PDZRN3: variants seen among roughly 807,000 people sequenced by gnomAD.
PDZRN3 encodes E3 ubiquitin-protein ligase PDZRN3.
PDZRN3 carries 38 observed loss-of-function variants against 85.7 expected under a neutral mutation model. That is an observed-to-expected ratio of 0.44 (90% CI 0.34 to 0.58). PDZRN3 has a LOEUF of 0.58. Ranked by LOEUF, PDZRN3 falls within the 20% of genes least tolerant of loss-of-function variation. The probability of loss-of-function intolerance (pLI) is 0.01; values close to 1 mark genes in which losing one functional copy is unlikely to be tolerated. For synonymous variants in PDZRN3, 759 were observed against 638.0 expected (o/e 1.19, Z -2.86); for missense variants, 1,629 against 1,506.4 (o/e 1.08, Z -1.35).
intron 1 of PDZRN3, 48 bp from the exon 2 acceptor site, chr3:73,608,732 G>T: frequency 8.7e-7 from 1 of 1,152,532 alleles, no homozygotes; most frequent in Non-Finnish European, 1.3e-6. Context: ...ACAGGGAATA[G>T]ATGGTAGGAA....
At chr3:73,602,992 T>A (rs1702537884) in intron 2 of PDZRN3, among the ~76,000 whole-genome samples, 1 of 152,230 alleles carries the variant, frequency 6.6e-6, no homozygotes, top group East Asian at 1.9e-4. Context: ...CTCCTACTTG[T>A]ATTTTAAATT....
intron 3 of PDZRN3, among the ~76,000 whole-genome samples, chr3:73,585,014 A>T (rs964516520): frequency 6.6e-6 from 1 of 152,222 alleles, no homozygotes; most frequent in African/African-American, 2.4e-5. Context: ...TTTTAATGTG[A>T]GTCCAGGCTG....
At chr3:73,502,285 G>T (rs57995960) in intron 3 of PDZRN3, among the ~76,000 whole-genome samples, 19,384 of 152,128 alleles carry the variant, frequency 0.13, 1,402 homozygotes, top group Middle Eastern at 0.22. Flanking sequence ...CTTTTGTTTG[G>T]GGTAATAATT....
In PDZRN3 at chr3:73,418,444, T is replaced by C. The variant is rs151193620; in HGVS notation, c.919-14049A>G. 3.4e-3 allele frequency among the ~76,000 whole-genome samples: 511 copies of C among 152,286 alleles called. 4 individuals carry two copies. The highest frequency in any genetic ancestry group is 0.012 in the African/African-American group (489 of 41,560). On this transcript the variant is annotated intron_variant, in intron 3 of 9. Transcript: ENST00000263666. ...TTGCATCTGAAGAAACTACTGATCATTTCTGGACCTCAATTTCCTTACCTG... is the reference window on the plus strand; with the variant it reads ...TTGCATCTGAAGAAACTACTGATCACTTCTGGACCTCAATTTCCTTACCTG...
chr3:73,471,701 C>T (rs1350355975), intron 3 of PDZRN3, among the ~76,000 whole-genome samples: 3 of 152,246 alleles, frequency 2.0e-5, no homozygotes, highest in African/African-American at 7.2e-5. Context: ...CTTCTCCCTG[C>T]TTCTTGGCCT....
chr3:73,387,820 A>G, intron 8 of PDZRN3, 148 bp downstream of exon 8: 1 of 594,012 alleles, frequency 1.7e-6, no homozygotes, highest in Non-Finnish European at 3.0e-6. Context: ...CATAAAGTGA[A>G]TTCTGAATCA....
intron 9 of PDZRN3, 92 bp from the exon 10 acceptor site, chr3:73,385,022 C>T: frequency 7.0e-7 from 1 of 1,435,944 alleles, no homozygotes. Context: ...CTGGATAGGG[C>T]AGGCTGTACA....
intron 3 of PDZRN3, among the ~76,000 whole-genome samples, chr3:73,471,268 C>A (rs1703334406): frequency 6.6e-6 from 1 of 152,066 alleles, no homozygotes; most frequent in Admixed American, 6.5e-5. Flanking sequence ...TGCCGGCAAA[C>A]CATCCAGCAG....
At chr3:73,419,921 T>A (rs1370816443) in intron 3 of PDZRN3, among the ~76,000 whole-genome samples, 1 of 152,230 alleles carries the variant, frequency 6.6e-6, no homozygotes, top group African/African-American at 2.4e-5. Flanking sequence ...TTAACATTTT[T>A]AATGACTTTC....
intron 3 of PDZRN3, among the ~76,000 whole-genome samples, chr3:73,567,246 T>C (rs1040846478): frequency 6.6e-6 from 1 of 152,204 alleles, no homozygotes; most frequent in Non-Finnish European, 1.5e-5. Flanking sequence ...CTTTCCTGGA[T>C]ACTTCCACAT....
intron 3 of PDZRN3, among the ~76,000 whole-genome samples, chr3:73,507,823 G>A (rs1390951043): frequency 1.3e-5 from 2 of 152,170 alleles, no homozygotes; most frequent in African/African-American, 4.8e-5. Flanking sequence ...GCCGGGCGCA[G>A]TGGCTCACGC....
intron 3 of PDZRN3, among the ~76,000 whole-genome samples, chr3:73,578,058 A>T (rs1191182635): frequency 6.6e-6 from 1 of 151,994 alleles, no homozygotes; most frequent in African/African-American, 2.4e-5. Flanking sequence ...CACTCTTCTC[A>T]TATCCTTGAA....
intron 5 of PDZRN3, among the ~76,000 whole-genome samples, chr3:73,397,997 G>GC (rs1391812914): frequency 6.6e-6 from 1 of 152,156 alleles, no homozygotes; most frequent in East Asian, 1.9e-4. Context: ...GTGACTTCGT[G>GC]ATTTTGCATT....
chr3:73,430,089 G>A (rs1023940598), intron 3 of PDZRN3, among the ~76,000 whole-genome samples: 2 of 152,202 alleles, frequency 1.3e-5, no homozygotes, highest in Non-Finnish European at 2.9e-5. Context: ...ATTCACAGAT[G>A]TGGGAATTAT....
intron 3 of PDZRN3, among the ~76,000 whole-genome samples, chr3:73,568,263 G>C (rs764270498): frequency 3.3e-5 from 5 of 151,896 alleles, no homozygotes; most frequent in South Asian, 2.1e-4. Flanking sequence ...ATAATGAACA[G>C]GAAAGTCTTT....
intron 3 of PDZRN3, among the ~76,000 whole-genome samples, chr3:73,425,084 G>T (rs1559672604): frequency 6.7e-6 from 1 of 149,864 alleles, no homozygotes; most frequent in Admixed American, 6.7e-5. Context: ...GTATGATCTC[G>T]GCTCACTGCA....
intron 8 of PDZRN3, 32 bp downstream of exon 8, chr3:73,387,936 G>C (rs1290772255): frequency 2.0e-6 from 2 of 1,006,762 alleles, no homozygotes; most frequent in African/African-American, 3.2e-5. Flanking sequence ...TAGAAATATA[G>C]ACCCAGTTTC....
At chr3:73,390,227 C>T (rs953681704) in intron 6 of PDZRN3, among the ~76,000 whole-genome samples, 1 of 152,144 alleles carries the variant, frequency 6.6e-6, no homozygotes, top group Non-Finnish European at 1.5e-5. Flanking sequence ...ATTATGTGGA[C>T]TAGCAACTAT....
At chr3:73,562,139 G>C (rs1371235685) in intron 3 of PDZRN3, among the ~76,000 whole-genome samples, 4 of 152,114 alleles carry the variant, frequency 2.6e-5, no homozygotes, top group Non-Finnish European at 5.9e-5. Context: ...CACATGTACA[G>C]AGATGTATGA....
Sources: gnomAD v4.1 joint callset for allele counts (sites outside exome capture counted in the v4.1 genomes callset) on GRCh38, gnomAD v4.1.1 for gene constraint, MANE v1.5 for transcripts, NCBI Gene and HGNC (gene_info 2026-07-23, HGNC 2026-07-21) for gene names.